The following C3orf70 variants were observed in gnomAD, a reference collection of about 807,000 sequenced individuals.
C3orf70 encodes UPF0524 protein C3orf70.
In C3orf70, 15 loss-of-function variants were observed where a neutral mutation model predicts 20.7. The observed-to-expected ratio is 0.72, with a 90% CI of 0.48 to 1.11. C3orf70 has a LOEUF of 1.11. C3orf70 is among the 50% of genes most tolerant of loss of function. The pLI, the probability that C3orf70 is intolerant of heterozygous loss-of-function variation, is 0.00. For synonymous variants in C3orf70, 161 were observed against 125.7 expected, an observed-to-expected ratio of 1.28 and a Z score of -1.88; for missense variants, 332 against 317.6, an observed-to-expected ratio of 1.05 and a Z score of -0.34.
chr3:185,123,876 A>G (rs1301450948), intron 1 of C3orf70, among the ~76,000 whole-genome samples: 1 of 152,166 alleles, frequency 6.6e-6, no homozygotes, highest in Non-Finnish European at 1.5e-5. Flanking sequence ...TTCCAGAATT[A>G]TATTTTCAGG....
At chr3:185,128,492 C>A (rs1254730715) in intron 1 of C3orf70, among the ~76,000 whole-genome samples, 1 of 150,850 alleles carries the variant, frequency 6.6e-6, no homozygotes, top group Non-Finnish European at 1.5e-5. Flanking sequence ...CGCACCACTG[C>A]ACTCCGGCCT....
Position 185,152,631 on chromosome 3 carries a change from G to A in C3orf70, c.193C>T (p.His65Tyr). Reference sequence around the variant, plus strand: ...GGGAAGACGCGGCTCGACTTACAGTGACACCATCCTAGGTGACAGCACCAG... The same window carrying A: ...GGGAAGACGCGGCTCGACTTACAGTAACACCATCCTAGGTGACAGCACCAG... ...LHWCCHLGWC[H>Y]CKYMYQPMTP... The change falls in exon 1 of 2, where the codon CAC becomes TAC. Residue 65 changes from histidine to tyrosine, a missense_variant. Coordinates refer to ENST00000335012, the MANE Select transcript of C3orf70 (RefSeq NM_001025266.3). The A allele has an allele frequency of 6.4e-7, 1 of 1,568,000 alleles. No homozygotes were observed. The highest frequency in any genetic ancestry group is 8.6e-7 in the Non-Finnish European group (1 of 1,157,468).
rs113364675 is a variant in C3orf70 at position 185,128,523 on chromosome 3, T to C, written c.196+24105A>G. ...GGCCTGGCTACAGAGCGAGACTGTT[T>C]CGGAAAAAAAAAAAAAACAACAAAA... On this transcript the variant is annotated intron_variant, in intron 1 of 1. Coordinates refer to ENST00000335012, the MANE Select transcript of C3orf70 (RefSeq NM_001025266.3). Among the ~76,000 whole-genome samples the C allele has an allele frequency of 5.1e-3, 751 of 146,132 alleles. 17 individuals carry two copies. Among genetic ancestry groups the C allele is most frequent in the Admixed American group, 0.039 (578 of 14,856 alleles).
At chr3:185,138,078 T>G (rs983734902) in intron 1 of C3orf70, among the ~76,000 whole-genome samples, 1 of 152,150 alleles carries the variant, frequency 6.6e-6, no homozygotes, top group Admixed American at 6.6e-5. Context: ...ATACATACCA[T>G]GGAGACAACA....
chr3:185,096,580 A>C (rs148978463), intron 1 of C3orf70, among the ~76,000 whole-genome samples: 147 of 152,142 alleles, frequency 9.7e-4, no homozygotes, highest in African/African-American at 3.4e-3. Context: ...GAACGTGATG[A>C]CACTTTCTTG....
intron 1 of C3orf70, among the ~76,000 whole-genome samples, chr3:185,124,669 A>T (rs1477790347): frequency 1.3e-5 from 2 of 151,420 alleles, no homozygotes; most frequent in African/African-American, 2.4e-5. Context: ...ATAAACCGTT[A>T]AAAAAAAATG....
chr3:185,109,018 G>A (rs1209420273), intron 1 of C3orf70, among the ~76,000 whole-genome samples: 1 of 152,128 alleles, frequency 6.6e-6, no homozygotes, highest in Non-Finnish European at 1.5e-5. Context: ...TTCTCTATGT[G>A]GAATATTAAA....
chr3:185,085,722 T>C (rs1715445501), intron 1 of C3orf70, among the ~76,000 whole-genome samples: 1 of 152,176 alleles, frequency 6.6e-6, no homozygotes, highest in African/African-American at 2.4e-5. Flanking sequence ...AGAGGTGGTA[T>C]GGTAGGACCT....
In C3orf70 at chr3:185,142,526, A is replaced by G. The variant is rs138822824; in HGVS notation, c.196+10102T>C. ...ATAAAAGATGTCATCAAATGGTAGA[A>G]GGAATGACAAAATTTGAACATCGCT... is the stretch of plus-strand genomic sequence containing the variant. On this transcript the variant is annotated intron_variant, in intron 1 of 1. Transcript: ENST00000335012. 3.2e-4 allele frequency among the ~76,000 whole-genome samples: 48 copies of G among 152,352 alleles called. No individual in the cohort carries two copies. In the East Asian group the frequency reaches 8.9e-3, roughly 28 times the overall value.
intron 1 of C3orf70, among the ~76,000 whole-genome samples, chr3:185,103,436 T>G (rs1715859975): frequency 6.6e-6 from 1 of 151,938 alleles, no homozygotes. Flanking sequence ...GGGAGAAGAT[T>G]TTTGCAAACT....
chr3:185,140,505 AC>A (rs1244094339), intron 1 of C3orf70, among the ~76,000 whole-genome samples: 1 of 152,194 alleles, frequency 6.6e-6, no homozygotes, highest in Non-Finnish European at 1.5e-5. Context: ...AGTCATCAAT[AC>A]ACACCTGTTG....
At chr3:185,152,497 C>A (rs1034079450) in intron 1 of C3orf70, 131 bp downstream of exon 1, 7 of 715,150 alleles carry the variant, frequency 9.8e-6, no homozygotes, top group African/African-American at 3.8e-5. Flanking sequence ...CACGGCGGCC[C>A]CAGCCTCCGG....
chr3:185,152,404 G>GC (rs1361369552), intron 1 of C3orf70, among the ~76,000 whole-genome samples: 2 of 152,220 alleles, frequency 1.3e-5, no homozygotes, highest in Non-Finnish European at 2.9e-5. Flanking sequence ...AAAGCGAGGC[G>GC]CCCCACGGGA....
chr3:185,140,797 A>G (rs897291963), intron 1 of C3orf70, among the ~76,000 whole-genome samples: 4 of 150,992 alleles, frequency 2.6e-5, no homozygotes, highest in South Asian at 2.1e-4. Flanking sequence ...AAAAAAAAAA[A>G]AAAAAAAGAA....
At chr3:185,122,043 G>A (rs1027882415) in intron 1 of C3orf70, among the ~76,000 whole-genome samples, 28 of 145,692 alleles carry the variant, frequency 1.9e-4, no homozygotes, top group African/African-American at 7.2e-4. Context: ...AGCTTGCAGT[G>A]AACCGAGATC....
chr3:185,147,839 G>A (rs1279191701), intron 1 of C3orf70, among the ~76,000 whole-genome samples: 2 of 152,152 alleles, frequency 1.3e-5, no homozygotes, highest in African/African-American at 4.8e-5. Flanking sequence ...AGTCACTGTT[G>A]CAAGACTAAA....
At chr3:185,133,994 TG>T (rs1716572456) in intron 1 of C3orf70, among the ~76,000 whole-genome samples, 1 of 151,606 alleles carries the variant, frequency 6.6e-6, no homozygotes, top group Non-Finnish European at 1.5e-5. Flanking sequence ...GAGGCTGAGG[TG>T]GGAGGATGGC....
chr3:185,138,862 G>C (rs905589468), intron 1 of C3orf70, among the ~76,000 whole-genome samples: 1 of 152,194 alleles, frequency 6.6e-6, no homozygotes, highest in Non-Finnish European at 1.5e-5. Context: ...CACTCTGAGA[G>C]GCCAAGGTGG....
chr3:185,144,690 T>A (rs1467933274), intron 1 of C3orf70, among the ~76,000 whole-genome samples: 1 of 144,240 alleles, frequency 6.9e-6, no homozygotes, highest in Non-Finnish European at 1.5e-5. Context: ...CAGGCTGGTC[T>A]TGAACTCCTG....
Sources: gnomAD v4.1 joint callset for allele counts (sites outside exome capture counted in the v4.1 genomes callset) on GRCh38, gnomAD v4.1.1 for gene constraint, MANE v1.5 for transcripts, NCBI Gene and HGNC (gene_info 2026-07-23, HGNC 2026-07-21) for gene names.